Variants in ZDHHC18 observed in about 807,000 individuals in gnomAD.
ZDHHC18 encodes zDHHC palmitoyltransferase 18, also known as palmitoyltransferase ZDHHC18.
ZDHHC18 carries 23 observed loss-of-function variants against 37.5 expected under a neutral mutation model. That is an observed-to-expected ratio of 0.61 (90% CI 0.44 to 0.87). The LOEUF (loss-of-function observed/expected upper bound fraction) is 0.87. Among genes scored for constraint, ZDHHC18 ranks in the 40% least tolerant of loss-of-function variants. The pLI, the probability that ZDHHC18 is intolerant of heterozygous loss-of-function variation, is 0.00. For synonymous variants in ZDHHC18, 185 were observed against 218.7 expected (o/e 0.85, Z 1.36); for missense variants, 406 against 525.6 (o/e 0.77, Z 2.22).
chr1:26,851,270 GC>G (rs2081702678), intron 6 of ZDHHC18, 39 bp downstream of exon 6: 10 of 1,595,514 alleles, frequency 6.3e-6, no homozygotes, highest in Non-Finnish European at 8.6e-6. Flanking sequence ...CTAGGGCAGC[GC>G]CCTCAGGAGG....
chr1:26,830,159 G>A (rs995987866), intron 1 of ZDHHC18, among the ~76,000 whole-genome samples: 1 of 152,204 alleles, frequency 6.6e-6, no homozygotes, highest in African/African-American at 2.4e-5. Context: ...GCCCACAGGT[G>A]TGTGCCTACT....
intron 1 of ZDHHC18, among the ~76,000 whole-genome samples, chr1:26,831,412 G>T (rs1224185224): frequency 1.3e-5 from 2 of 152,194 alleles, no homozygotes; most frequent in Non-Finnish European, 2.9e-5. Flanking sequence ...TAGGGAGTTT[G>T]GATTGTATTC....
At chr1:26,851,266 C>A in intron 6 of ZDHHC18, 35 bp downstream of exon 6, 3 of 1,599,778 alleles carry the variant, frequency 1.9e-6, no homozygotes, top group Non-Finnish European at 2.6e-6. Flanking sequence ...CATTCTAGGG[C>A]AGCGCCCTCA....
chr1:26,854,136 C>G lies in ZDHHC18; in HGVS notation c.*293C>G. The G allele has an allele frequency of 2.7e-6, 1 of 364,820 alleles. No individual in the cohort carries two copies. The allele number at this position is 364,820 out of a possible 1,614,324, so 22.6% of individuals were successfully genotyped here. A position where few individuals can be genotyped will look rare whatever the true frequency, so the allele number is the denominator to read the frequency against. On this transcript the variant is annotated 3_prime_UTR_variant, in exon 8 of 8. Coordinates refer to ENST00000374142, the MANE Select transcript of ZDHHC18 (RefSeq NM_032283.3). The surrounding 1 kb of genome is among the most constrained non-coding windows in gnomAD (Gnocchi z 4.6). ...ACACCAAGTCCTTGCCTGTGCCGGG[C>G]GAGCCCTGTGTGAGTGAGGCTGTGA...
chr1:26,845,564 C>T (rs2081659985), intron 2 of ZDHHC18, among the ~76,000 whole-genome samples: 1 of 151,656 alleles, frequency 6.6e-6, no homozygotes, highest in Admixed American at 6.6e-5. Context: ...AACTCCCAAC[C>T]TCAGGTGATC....
intron 1 of ZDHHC18, among the ~76,000 whole-genome samples, chr1:26,831,802 A>G (rs990386357): frequency 1.3e-5 from 2 of 152,160 alleles, no homozygotes; most frequent in African/African-American, 4.8e-5. Flanking sequence ...TGGACCATGC[A>G]GTTCCCCCAG....
chr1:26,840,983 G>A (rs946302153), intron 2 of ZDHHC18, among the ~76,000 whole-genome samples: 1 of 149,826 alleles, frequency 6.7e-6, no homozygotes, highest in African/African-American at 2.5e-5. Context: ...CTAATTTTTT[G>A]GGGGGAGGGG....
intron 2 of ZDHHC18, among the ~76,000 whole-genome samples, chr1:26,841,713 G>A (rs971638375): frequency 6.6e-6 from 1 of 152,170 alleles, no homozygotes; most frequent in Admixed American, 6.5e-5. Context: ...GGCATGAACA[G>A]TTGGTCAGGA....
At chr1:26,852,148 G>C (rs960413372) in intron 6 of ZDHHC18, among the ~76,000 whole-genome samples, 1 of 152,216 alleles carries the variant, frequency 6.6e-6, no homozygotes, top group Non-Finnish European at 1.5e-5. Flanking sequence ...CTTCTTGGGT[G>C]CCAGTTCTGC....
chr1:26,837,901 G>T (rs1455560572), intron 2 of ZDHHC18, among the ~76,000 whole-genome samples: 1 of 152,158 alleles, frequency 6.6e-6, no homozygotes, highest in Non-Finnish European at 1.5e-5. Flanking sequence ...GGATGCCTCA[G>T]TGCGTTTGCT....
chr1:26,826,926 C>T lies in ZDHHC18; in HGVS notation c.122C>T (p.Ala41Val). The T allele has an allele frequency of 9.6e-7, 1 of 1,044,850 alleles. No homozygotes were observed. Among genetic ancestry groups the T allele is most frequent in the African/African-American group, 1.7e-5 (1 of 58,278 alleles). The allele number at this position is 1,044,850 out of a possible 1,614,324, so 64.7% of individuals were successfully genotyped here. ...PTPGPGPAPP[A>V]APAPPRWSSS... ...CCGGGCCCCGGGCCCGCGCCGCCCGCCGCCCCCGCCCCGCCGCGCTGGAGC... is the reference window on the plus strand; with the variant it reads ...CCGGGCCCCGGGCCCGCGCCGCCCGTCGCCCCCGCCCCGCCGCGCTGGAGC... Residue 41 changes from alanine to valine, a missense_variant, in exon 1 of 8, where the codon GCC becomes GTC. Physicochemically the swap from Ala to Val is moderately conservative, Grantham distance 64. Coordinates refer to ENST00000374142, the MANE Select transcript of ZDHHC18 (RefSeq NM_032283.3). The surrounding 1 kb of genome is among the most constrained non-coding windows in gnomAD (Gnocchi z 5.2).
At chr1:26,852,414 T>G (rs1255839574) in intron 6 of ZDHHC18, among the ~76,000 whole-genome samples, 1 of 152,190 alleles carries the variant, frequency 6.6e-6, no homozygotes, top group East Asian at 1.9e-4. Context: ...ACGTAGCCAG[T>G]GAGTAGCAGG....
intron 1 of ZDHHC18, among the ~76,000 whole-genome samples, chr1:26,829,305 T>C (rs568333806): frequency 3.9e-4 from 60 of 152,222 alleles, no homozygotes; most frequent in African/African-American, 1.3e-3. Flanking sequence ...GCCTTACTTC[T>C]CGCCCCCACA....
chr1:26,843,364 C>T (rs2081648069), intron 2 of ZDHHC18, among the ~76,000 whole-genome samples: 1 of 150,306 alleles, frequency 6.7e-6, no homozygotes, highest in Non-Finnish European at 1.5e-5. Context: ...TGGTCTCGAA[C>T]TCCTGACCTA....
intron 1 of ZDHHC18, among the ~76,000 whole-genome samples, chr1:26,830,188 TGG>T (rs954106897): frequency 3.9e-5 from 6 of 152,180 alleles, no homozygotes; most frequent in Non-Finnish European, 8.8e-5. Context: ...CCTGGAAGCT[TGG>T]TTGATCTCAG....
intron 2 of ZDHHC18, among the ~76,000 whole-genome samples, chr1:26,845,550 A>G (rs2081659899): frequency 6.6e-6 from 1 of 150,982 alleles, no homozygotes; most frequent in Admixed American, 6.6e-5. Context: ...CCAGGCTGGT[A>G]TCGAACTCCC....
At chr1:26,829,376 C>T (rs1409902410) in intron 1 of ZDHHC18, among the ~76,000 whole-genome samples, 1 of 152,110 alleles carries the variant, frequency 6.6e-6, no homozygotes, top group East Asian at 1.9e-4. Context: ...GCCTCTGTCC[C>T]CTGCTGTCTT....
Position 26,830,851 on chromosome 1 carries a change from C to T in ZDHHC18, c.336-1596C>T, listed in dbSNP as rs144766384. On this transcript the variant is annotated intron_variant, in intron 1 of 7. Transcript: ENST00000374142. ...AGGCTGGAGTGCAATGGCACGATCT[C>T]GGCTCACTGCAACCTCTGCCTCCCG... is the stretch of plus-strand genomic sequence containing the variant. Among the ~76,000 whole-genome samples, 34 of 152,228 alleles carry T rather than the reference C, an allele frequency of 2.2e-4. No homozygotes were observed. In the East Asian group the frequency reaches 6.2e-3, roughly 28 times the overall value.
chr1:26,838,100 G>A (rs1455284569), intron 2 of ZDHHC18, among the ~76,000 whole-genome samples: 6 of 151,086 alleles, frequency 4.0e-5, no homozygotes, highest in Non-Finnish European at 8.8e-5. Flanking sequence ...GGGTTCAAGC[G>A]ATTCTCCTGC....
Sources: allele counts gnomAD v4.1 joint callset (sites outside exome capture counted in the v4.1 genomes callset), GRCh38; gene constraint gnomAD v4.1.1; non-coding constraint Gnocchi (gnomAD v3.1); transcripts MANE v1.5; gene names NCBI Gene and HGNC (gene_info 2026-07-23, HGNC 2026-07-21).